DLG2: variants seen among roughly 807,000 people sequenced by gnomAD.
DLG2 encodes the protein discs large MAGUK scaffold protein 2, also known as disks large homolog 2.
DLG2 carries 45 observed loss-of-function variants against 132.5 expected under a neutral mutation model. That is an observed-to-expected ratio of 0.34 (90% CI 0.27 to 0.44). The LOEUF is 0.44. DLG2 is among the 20% of genes least tolerant of loss of function. The pLI is 1.00. For missense variants in DLG2, 1,045 were observed against 1,196.9 expected, an observed-to-expected ratio of 0.87 and a Z score of 1.87; for synonymous variants, 424 against 419.6, an observed-to-expected ratio of 1.01 and a Z score of -0.13.
chr11:84,632,106 C>A (rs1383848955), intron 6 of DLG2, among the ~76,000 whole-genome samples: 1 of 152,158 alleles, frequency 6.6e-6, no homozygotes, highest in African/African-American at 2.4e-5. Flanking sequence ...GCCTTGCCCA[C>A]CATCAGACCT....
chr11:83,504,233 TC>T (rs1165750369), intron 21 of DLG2, among the ~76,000 whole-genome samples: 2 of 152,178 alleles, frequency 1.3e-5, no homozygotes, highest in Admixed American at 1.3e-4. Flanking sequence ...CATTCAGTAT[TC>T]CCTTTGCCTT....
At chr11:84,575,131 C>T (rs1592713115) in intron 6 of DLG2, among the ~76,000 whole-genome samples, 1 of 152,250 alleles carries the variant, frequency 6.6e-6, no homozygotes, top group South Asian at 2.1e-4. Context: ...GCTAATTGAG[C>T]TAACCAGATC....
At chr11:84,926,259 T>C (rs891796694) in intron 6 of DLG2, among the ~76,000 whole-genome samples, 3 of 152,020 alleles carry the variant, frequency 2.0e-5, no homozygotes, top group Non-Finnish European at 4.4e-5. Context: ...GATGCATTAA[T>C]TGGTAAAAAC....
At chr11:84,533,401 G>A (rs568884870) in intron 7 of DLG2, among the ~76,000 whole-genome samples, 3 of 152,158 alleles carry the variant, frequency 2.0e-5, no homozygotes, top group Admixed American at 6.5e-5. Flanking sequence ...AAGAAATTGC[G>A]GAGATTTGCA....
chr11:84,825,338 C>A (rs569106357), intron 6 of DLG2, among the ~76,000 whole-genome samples: 2 of 151,994 alleles, frequency 1.3e-5, no homozygotes, highest in South Asian at 4.1e-4. Flanking sequence ...AAGGCCCGAG[C>A]TGACAAACTA....
chr11:85,324,720 C>A (rs893244618), intron 3 of DLG2, among the ~76,000 whole-genome samples: 2 of 151,670 alleles, frequency 1.3e-5, no homozygotes, highest in African/African-American at 4.8e-5. Flanking sequence ...TTTTAGGTGA[C>A]TGAAAAACGG....
At chr11:83,825,171 A>ATTTT (rs10566177) in intron 17 of DLG2, among the ~76,000 whole-genome samples, 28 of 72,604 alleles carry the variant, frequency 3.9e-4, no homozygotes, top group Non-Finnish European at 5.7e-4. Context: ...ATATATATAT[A>ATTTT]TTTTTTTTTT....
intron 7 of DLG2, among the ~76,000 whole-genome samples, chr11:84,510,697 T>C (rs1335410785): frequency 6.6e-6 from 1 of 152,224 alleles, no homozygotes; most frequent in Non-Finnish European, 1.5e-5. Flanking sequence ...TTAATTATGA[T>C]ATTTAACAGT....
intron 8 of DLG2, among the ~76,000 whole-genome samples, chr11:84,211,400 T>G (rs926263725): frequency 3.3e-5 from 5 of 152,154 alleles, no homozygotes; most frequent in African/African-American, 9.7e-5. Context: ...GCTTTCAAAA[T>G]TAGTTTGAAT....
At chr11:84,350,866 C>G (rs539337705) in intron 7 of DLG2, among the ~76,000 whole-genome samples, 1 of 152,138 alleles carries the variant, frequency 6.6e-6, no homozygotes, top group South Asian at 2.1e-4. Flanking sequence ...ACTCTAAAAT[C>G]TGTCTTTGAA....
At chr11:83,673,273 A>C (rs2077137262) in intron 18 of DLG2, among the ~76,000 whole-genome samples, 1 of 152,214 alleles carries the variant, frequency 6.6e-6, no homozygotes. Flanking sequence ...ATTAATAAAT[A>C]GGCTCGCTCT....
At chr11:84,638,949 C>T (rs115308544) in intron 6 of DLG2, among the ~76,000 whole-genome samples, 4,449 of 152,274 alleles carry the variant, frequency 0.029, 258 homozygotes, top group African/African-American at 0.1. Context: ...AATTCAAGAA[C>T]CTCTATTGGC....
At chr11:83,570,627 T>G (rs2096781661) in intron 19 of DLG2, among the ~76,000 whole-genome samples, 1 of 151,864 alleles carries the variant, frequency 6.6e-6, no homozygotes, top group Non-Finnish European at 1.5e-5. Context: ...TAACAACATT[T>G]TAGATGAAGA....
At chr11:85,069,307 C>G (rs2065422939) in intron 6 of DLG2, among the ~76,000 whole-genome samples, 1 of 152,086 alleles carries the variant, frequency 6.6e-6, no homozygotes, top group African/African-American at 2.4e-5. Context: ...CAAATGGGAT[C>G]TGATTAAACT....
intron 18 of DLG2, among the ~76,000 whole-genome samples, chr11:83,718,279 G>A (rs757381511): frequency 6.6e-6 from 1 of 152,138 alleles, no homozygotes; most frequent in Non-Finnish European, 1.5e-5. Flanking sequence ...GCTCATGCCT[G>A]TAATCCCAAC....
intron 3 of DLG2, among the ~76,000 whole-genome samples, chr11:85,595,944 A>T (rs2079724884): frequency 1.3e-5 from 2 of 152,320 alleles, no homozygotes; most frequent in East Asian, 3.9e-4. Context: ...AAAGGAAGAC[A>T]TTATTCATTT....
chr11:83,795,940 A>G (rs1199794131), intron 17 of DLG2, among the ~76,000 whole-genome samples: 3 of 152,118 alleles, frequency 2.0e-5, no homozygotes, highest in African/African-American at 7.2e-5. Flanking sequence ...TGCACATGCT[A>G]TTTTCCATAT....
At chr11:84,182,535 GA>G (rs1188579994) in intron 8 of DLG2, among the ~76,000 whole-genome samples, 1 of 145,116 alleles carries the variant, frequency 6.9e-6, no homozygotes, top group African/African-American at 2.6e-5. Context: ...TCTCAAAAAA[GA>G]AAAAAAAAGA....
At chr11:84,633,614 T>TA (rs200638949) in intron 6 of DLG2, among the ~76,000 whole-genome samples, 23,641 of 145,886 alleles carry the variant, frequency 0.16, 1,997 homozygotes, top group South Asian at 0.29. Flanking sequence ...TATGACTATT[T>TA]AAAAAAAAAA....
Sources: allele counts gnomAD v4.1 joint callset (sites outside exome capture counted in the v4.1 genomes callset), GRCh38; gene constraint gnomAD v4.1.1; transcripts MANE v1.5; gene names NCBI Gene and HGNC (gene_info 2026-07-23, HGNC 2026-07-21).